EFCAB5: variants seen among roughly 807,000 people sequenced by gnomAD.
The protein encoded by EFCAB5 is EF-hand calcium binding domain 5.
A neutral mutation model predicts 167.9 loss-of-function variants in EFCAB5; 131 were observed. That is an observed-to-expected ratio of 0.78 (90% CI 0.68 to 0.90). The LOEUF is 0.90. Ranked by LOEUF, EFCAB5 falls within the 40% of genes least tolerant of loss-of-function variation. EFCAB5 has a pLI of 0.00. For synonymous variants in EFCAB5, 574 were observed against 602.8 expected (o/e 0.95, Z 0.70); for missense variants, 1,663 against 1,745.2 (o/e 0.95, Z 0.84).
At chr17:29,978,605 T>G (rs117692925) in intron 4 of EFCAB5, among the ~76,000 whole-genome samples, 2 of 152,210 alleles carry the variant, frequency 1.3e-5, no homozygotes, top group Non-Finnish European at 2.9e-5. Context: ...TTCAATGATA[T>G]AGAATGTTCC....
In EFCAB5 at chr17:30,107,814, C is replaced by CT. The variant is rs753578397; in HGVS notation, c.4322-11dup. On this transcript the variant is annotated intron_variant, in intron 22 of 22. Coordinates refer to ENST00000394835, the MANE Select transcript of EFCAB5 (RefSeq NM_198529.4). Reference sequence around the variant, plus strand: ...TGCAAAACTCTCCACTCTTACTTTTCTTTTTTTTTCCTGATGCAGATCATT... The same window carrying CT: ...TGCAAAACTCTCCACTCTTACTTTTCTTTTTTTTTTCCTGATGCAGATCATT... The CT allele has an allele frequency of 4.5e-4, 452 of 1,013,860 alleles. 1 individual carries two copies. The highest frequency in any genetic ancestry group is 1.1e-3 in the Admixed American group (20 of 18,372). 62.8% of individuals were successfully genotyped at this position (1,013,860 alleles called of 1,614,324 possible). A position where few individuals can be genotyped will look rare whatever the true frequency, so the allele number is the denominator to read the frequency against.
rs138205056 is a variant in EFCAB5, at chr17:30,062,922, G to T, written c.2737+3221G>T. Among the ~76,000 whole-genome samples the T allele has an allele frequency of 2.8e-3, 430 of 152,194 alleles. 3 individuals are homozygous for T. The highest frequency in any genetic ancestry group is 9.9e-3 in the African/African-American group (410 of 41,518). On this transcript the variant is annotated intron_variant, in intron 14 of 22. Transcript: ENST00000394835. Reference sequence around the variant, plus strand: ...AGAAACTCCCTGCATCCCAAGAAATGGTGCCTTGGCCACTCAGAACAGTCA... The same window carrying T: ...AGAAACTCCCTGCATCCCAAGAAATTGTGCCTTGGCCACTCAGAACAGTCA...
chr17:30,069,823 C>A (rs1201201339), intron 14 of EFCAB5, among the ~76,000 whole-genome samples: 1 of 152,156 alleles, frequency 6.6e-6, no homozygotes, highest in Non-Finnish European at 1.5e-5. Flanking sequence ...ATACCCAGGC[C>A]GATAGTGTTC....
chr17:30,085,093 G>C (rs751380695), intron 18 of EFCAB5, among the ~76,000 whole-genome samples: 1 of 151,720 alleles, frequency 6.6e-6, no homozygotes, highest in Non-Finnish European at 1.5e-5. Flanking sequence ...TTTATTAAAC[G>C]CCCCTTAAAT....
intron 7 of EFCAB5, among the ~76,000 whole-genome samples, chr17:30,010,206 T>C (rs1380627076): frequency 6.6e-6 from 1 of 152,200 alleles, no homozygotes; most frequent in Admixed American, 6.5e-5. Flanking sequence ...CAGTCTATCA[T>C]TGATGGATAT....
At position 30,096,983 on chromosome 17, in the gene EFCAB5, T is replaced by TATATACATATAC. The variant is rs71138872; in HGVS notation, c.4321+4107_4321+4118dup. 6.0e-3 allele frequency among the ~76,000 whole-genome samples: 618 copies of TATATACATATAC among 103,746 alleles called. 5 individuals are homozygous for TATATACATATAC. The highest frequency in any genetic ancestry group is 0.017 in the Middle Eastern group (3 of 176). 68.1% of individuals were successfully genotyped at this position (103,746 alleles called of 152,430 possible). On this transcript the variant is annotated intron_variant, in intron 22 of 22. Coordinates refer to ENST00000394835, the MANE Select transcript of EFCAB5 (RefSeq NM_198529.4). The stretch of plus-strand genomic sequence containing the variant: ...CATGAGCCACCACCCCGGTCACAAT[T>TATATACATATAC]ATATACATATACATATACATATACA...
chr17:29,935,140 T>C (rs1200724160), intron 1 of EFCAB5, among the ~76,000 whole-genome samples: 1 of 152,218 alleles, frequency 6.6e-6, no homozygotes, highest in Non-Finnish European at 1.5e-5. Flanking sequence ...ATATAAGAGC[T>C]GAGAGCAACT....
chr17:30,090,794 A>G, intron 20 of EFCAB5, 120 bp downstream of exon 20: 2 of 1,373,708 alleles, frequency 1.5e-6, no homozygotes, highest in Non-Finnish European at 2.0e-6. Context: ...ACATCTTTTC[A>G]TATAAAAGGA....
chr17:29,966,989 G>A (rs1479427219), intron 3 of EFCAB5, among the ~76,000 whole-genome samples: 1 of 152,046 alleles, frequency 6.6e-6, no homozygotes, highest in Non-Finnish European at 1.5e-5. Flanking sequence ...TTTAATTGGA[G>A]AGTGATATTA....
chr17:30,059,465 T>C, intron 13 of EFCAB5, 80 bp from the exon 14 acceptor site: 2 of 1,413,826 alleles, frequency 1.4e-6, no homozygotes, highest in Non-Finnish European at 1.9e-6. Context: ...ACGCTGGACT[T>C]TTTTTGGAAT....
At chr17:29,987,985 G>A (rs573394262) in intron 4 of EFCAB5, among the ~76,000 whole-genome samples, 3 of 152,188 alleles carry the variant, frequency 2.0e-5, no homozygotes, top group Admixed American at 6.5e-5. Flanking sequence ...TCCAATCCTC[G>A]AGGATTAACT....
At chr17:29,968,688 C>T (rs2067884139) in intron 3 of EFCAB5, 103 bp from the exon 4 acceptor site, 1 of 870,410 alleles carries the variant, frequency 1.1e-6, no homozygotes, top group South Asian at 2.5e-5. Context: ...TTCCAATCCA[C>T]TGTGTAAATG....
rs569208212 is a variant in EFCAB5 at position 30,056,001 on chromosome 17, C to T, written c.2272+36C>T. On this transcript the variant is annotated intron_variant, in intron 11 of 22. Transcript: ENST00000394835. The stretch of plus-strand genomic sequence containing the variant: ...ATTTAATCCTCCTTTCATTTATACC[C>T]TAGAACAAAAATATTGTGAAAGCGA... 20 of 1,613,044 alleles carry T rather than the reference C, an allele frequency of 1.2e-5. No individual in the cohort carries two copies. In the South Asian group the frequency reaches 2.2e-4, roughly 18 times the overall value.
chr17:30,027,628 T>C (rs1172134020), intron 7 of EFCAB5, among the ~76,000 whole-genome samples: 1 of 152,052 alleles, frequency 6.6e-6, no homozygotes. Flanking sequence ...CATCGAGGTA[T>C]AGGGTGTCAA....
At chr17:30,038,057 C>G (rs2069672599) in intron 8 of EFCAB5, among the ~76,000 whole-genome samples, 1 of 152,152 alleles carries the variant, frequency 6.6e-6, no homozygotes, top group South Asian at 2.1e-4. Context: ...GAAAGCTGGG[C>G]CCCTTGCTCC....
At chr17:30,104,705 A>G (rs1230415221) in intron 22 of EFCAB5, among the ~76,000 whole-genome samples, 1 of 152,166 alleles carries the variant, frequency 6.6e-6, no homozygotes, top group Non-Finnish European at 1.5e-5. Context: ...AACCGTTAAT[A>G]GGGAACCCAG....
intron 14 of EFCAB5, among the ~76,000 whole-genome samples, chr17:30,064,234 A>C (rs1256444527): frequency 6.6e-6 from 1 of 152,244 alleles, no homozygotes; most frequent in Non-Finnish European, 1.5e-5. Flanking sequence ...AAACTCAACA[A>C]GACAAGAAAA....
Position 30,055,977 on chromosome 17 carries a change from T to A in EFCAB5, c.2272+12T>A. 1 of 1,613,662 alleles carries A rather than the reference T, an allele frequency of 6.2e-7. No homozygotes were observed. The highest frequency in any genetic ancestry group is 8.5e-7 in the Non-Finnish European group (1 of 1,179,740). On this transcript the variant is annotated intron_variant, in intron 11 of 22. Transcript: ENST00000394835. ...AAAGTCATGGTCAGGTAACTCCTCA[T>A]TTAATCCTCCTTTCATTTATACCCT... is the stretch of plus-strand genomic sequence containing the variant.
rs1353631629 is a variant in EFCAB5, at chr17:30,027,227, T to C, written c.1045-7003T>C. ...GTCTCAATCTCCTGACCTCGTGATT[T>C]GCCCACCTCGGACTCCCAAAGTGCT... is the stretch of plus-strand genomic sequence containing the variant. On this transcript the variant is annotated intron_variant, in intron 7 of 22. Coordinates refer to ENST00000394835, the MANE Select transcript of EFCAB5 (RefSeq NM_198529.4). Among the ~76,000 whole-genome samples the C allele has an allele frequency of 8.6e-5, 13 of 150,560 alleles. No homozygotes were observed. In the East Asian group the frequency reaches 2.5e-3, roughly 29 times the overall value.
Sources: allele counts gnomAD v4.1 joint callset (sites outside exome capture counted in the v4.1 genomes callset), GRCh38; gene constraint gnomAD v4.1.1; transcripts MANE v1.5; gene names NCBI Gene and HGNC (gene_info 2026-07-23, HGNC 2026-07-21).